Variants in SQOR observed in about 807,000 individuals in gnomAD.
The protein encoded by SQOR is sulfide:quinone oxidoreductase, mitochondrial.
SQOR carries 39 observed loss-of-function variants against 48.6 expected under a neutral mutation model. The observed-to-expected ratio is 0.80, with a 90% CI of 0.62 to 1.05. The LOEUF is 1.05. SQOR is among the 50% of genes least tolerant of loss of function. The pLI, the probability that SQOR is intolerant of heterozygous loss-of-function variation, is 0.00. For synonymous variants in SQOR, 220 were observed against 206.2 expected (o/e 1.07, Z -0.57); for missense variants, 561 against 559.9 (o/e 1.00, Z -0.02).
chr15:45,649,986 T>G (rs377154351), intron 1 of SQOR, among the ~76,000 whole-genome samples: 11 of 151,770 alleles, frequency 7.2e-5, no homozygotes, highest in African/African-American at 2.4e-4. Flanking sequence ...GGGATTACAG[T>G]TATGTGCCAC....
chr15:45,633,836 C>G (rs1198945530), upstream of SQOR, among the ~76,000 whole-genome samples: 1 of 151,670 alleles, frequency 6.6e-6, no homozygotes, highest in African/African-American at 2.4e-5. Context: ...TACAGTCAGT[C>G]TCTTTGATTA....
chr15:45,672,199 C>A (rs1337356239), intron 4 of SQOR, among the ~76,000 whole-genome samples: 2 of 152,000 alleles, frequency 1.3e-5, no homozygotes, highest in African/African-American at 4.8e-5. Flanking sequence ...TGTGCGAAGA[C>A]CCCCAGGCAG....
chr15:45,641,939 G>C (rs1311679579), intron 1 of SQOR, among the ~76,000 whole-genome samples: 1 of 152,084 alleles, frequency 6.6e-6, no homozygotes, highest in Non-Finnish European at 1.5e-5. Context: ...CCTCATCTCT[G>C]TTCCCATTCA....
intron 8 of SQOR, 82 bp downstream of exon 8, chr15:45,688,486 C>A: frequency 6.1e-6 from 6 of 983,358 alleles, no homozygotes; most frequent in Non-Finnish European, 8.9e-6. Context: ...CAATTTTGCA[C>A]TTTCTGTCTT....
chr15:45,652,488 C>G (rs57706611), intron 1 of SQOR, among the ~76,000 whole-genome samples: 4,642 of 152,102 alleles, frequency 0.031, 278 homozygotes, highest in African/African-American at 0.11. Flanking sequence ...GCACGGGGTA[C>G]CACGCCGGCA....
At chr15:45,654,357 T>G (rs1263564979) in intron 1 of SQOR, among the ~76,000 whole-genome samples, 2 of 152,226 alleles carry the variant, frequency 1.3e-5, no homozygotes, top group Non-Finnish European at 2.9e-5. Context: ...TTTGTGTTTG[T>G]GAAGTTGTTT....
At position 45,673,605 on chromosome 15, in the gene SQOR, AG is replaced by A; in HGVS notation, c.460-1del. The A allele has an allele frequency of 1.2e-6, 2 of 1,609,050 alleles. No individual in the cohort carries two copies. Among genetic ancestry groups the A allele is most frequent in the Non-Finnish European group, 1.7e-6 (2 of 1,177,324 alleles). On this transcript the variant is annotated splice_acceptor_variant, in intron 4 of 9. Coordinates refer to ENST00000260324, the MANE Select transcript of SQOR (RefSeq NM_021199.4). LOFTEE classifies it high-confidence loss of function. ...AAATAATTTTTGTGTACTTTGTTGC[AG>A]ATTAAAGGCCTACCTGAAGGTTTCG... is the stretch of plus-strand genomic sequence containing the variant.
upstream of SQOR, among the ~76,000 whole-genome samples, chr15:45,632,581 G>A (rs1894916972): frequency 6.6e-6 from 1 of 151,996 alleles, no homozygotes; most frequent in Non-Finnish European, 1.5e-5. Context: ...CCACCCAGCA[G>A]GCAGCACATC....
intron 3 of SQOR, 82 bp from the exon 4 acceptor site, chr15:45,669,846 G>C: frequency 8.4e-7 from 1 of 1,194,558 alleles, no homozygotes; most frequent in Non-Finnish European, 1.3e-6. Flanking sequence ...AGACCACATG[G>C]AACCACATCT....
chr15:45,688,199 T>G (rs1890255861), intron 7 of SQOR, 138 bp from the exon 8 acceptor site: 8 of 592,678 alleles, frequency 1.3e-5, no homozygotes. Flanking sequence ...TTTCAATTAG[T>G]AAGAAGGTCA....
upstream of SQOR, among the ~76,000 whole-genome samples, chr15:45,633,627 G>A (rs1450314839): frequency 1.9e-4 from 28 of 150,576 alleles, no homozygotes; most frequent in Admixed American, 1.9e-3. Context: ...CCGGGAGGTG[G>A]ACGTTGTAGT....
At chr15:45,672,935 T>C (rs1200764433) in intron 4 of SQOR, among the ~76,000 whole-genome samples, 2 of 134,084 alleles carry the variant, frequency 1.5e-5, no homozygotes, top group Non-Finnish European at 3.3e-5. Flanking sequence ...AAACACAGAT[T>C]GCTGGGCCTG....
intron 3 of SQOR, among the ~76,000 whole-genome samples, chr15:45,662,363 T>C (rs1381616709): frequency 6.6e-6 from 1 of 152,232 alleles, no homozygotes; most frequent in Non-Finnish European, 1.5e-5. Context: ...GAACACCCAC[T>C]GTGCACCCTA....
At chr15:45,683,959 T>G (rs1404074065) in intron 7 of SQOR, among the ~76,000 whole-genome samples, 1 of 152,154 alleles carries the variant, frequency 6.6e-6, no homozygotes, top group South Asian at 2.1e-4. Context: ...TTGCCTGGAC[T>G]GGAGTGCAGT....
At chr15:45,636,698 G>A (rs1895013163) in intron 1 of SQOR, among the ~76,000 whole-genome samples, 1 of 152,012 alleles carries the variant, frequency 6.6e-6, no homozygotes, top group South Asian at 2.1e-4. Flanking sequence ...CACTGCGCAC[G>A]GCCAATATCT....
upstream of SQOR, among the ~76,000 whole-genome samples, chr15:45,632,941 C>CAAA (rs111851737): frequency 6.1e-5 from 8 of 131,428 alleles, no homozygotes; most frequent in African/African-American, 2.2e-4. Context: ...TCCATCTCTA[C>CAAA]AAAAAAAAAA....
chr15:45,668,815 A>G (rs1889886019), intron 3 of SQOR, among the ~76,000 whole-genome samples: 1 of 152,174 alleles, frequency 6.6e-6, no homozygotes, highest in Admixed American at 6.5e-5. Context: ...CCAGTTTTCT[A>G]GGCAAGTTCT....
intron 3 of SQOR, among the ~76,000 whole-genome samples, chr15:45,666,851 T>TCTCCCCTCCCCTCCCCTCCC (rs1566919995): frequency 6.4e-5 from 1 of 15,676 alleles, no homozygotes; most frequent in Non-Finnish European, 1.2e-4. Context: ...CCTCCCCTCC[T>TCTCCCCTCCCCTCCCCTCCC]CTCCTCTCCC....
At chr15:45,659,225 T>C (rs1889676955) in intron 2 of SQOR, 68 bp downstream of exon 2, 59 of 1,302,544 alleles carry the variant, frequency 4.5e-5, no homozygotes, top group Non-Finnish European at 6.1e-5. Flanking sequence ...TGTGTGTGTG[T>C]GTGTTCTGGG....
Sources: allele counts gnomAD v4.1 joint callset (sites outside exome capture counted in the v4.1 genomes callset), GRCh38; gene constraint gnomAD v4.1.1; transcripts MANE v1.5; gene names NCBI Gene and HGNC (gene_info 2026-07-23, HGNC 2026-07-21).